The following RSRC1 variants were observed in gnomAD, a reference collection of about 807,000 sequenced individuals.
RSRC1 encodes the protein serine/Arginine-related protein 53.
Under a neutral mutation model 49.1 loss-of-function variants are expected in RSRC1, and 39 were observed. The ratio of observed to expected loss-of-function variants is 0.79; its 90% CI spans 0.61 to 1.04. The LOEUF is 1.04. Among genes scored for constraint, RSRC1 ranks in the 50% least tolerant of loss-of-function variants. The pLI is 0.00. For missense variants in RSRC1, 388 were observed against 402.4 expected (o/e 0.96, Z 0.31); for synonymous variants, 143 against 130.8 (o/e 1.09, Z -0.63).
At chr3:158,374,454 A>G (rs1168942232) in intron 6 of RSRC1, among the ~76,000 whole-genome samples, 1 of 152,142 alleles carries the variant, frequency 6.6e-6, no homozygotes, top group Non-Finnish European at 1.5e-5. Context: ...TGGAAAGGAA[A>G]ATTCATCCCC....
At chr3:158,517,482 C>T (rs1257900620) in intron 7 of RSRC1, among the ~76,000 whole-genome samples, 3 of 151,884 alleles carry the variant, frequency 2.0e-5, no homozygotes, top group Non-Finnish European at 4.4e-5. Context: ...CTTGCTTTAT[C>T]TTTTTTATAG....
chr3:158,248,659 G>A (rs902249618), intron 4 of RSRC1, among the ~76,000 whole-genome samples: 1 of 150,272 alleles, frequency 6.7e-6, no homozygotes, highest in East Asian at 2.0e-4. Context: ...GTGCAGTAAT[G>A]TGATCTTGGC....
intron 3 of RSRC1, among the ~76,000 whole-genome samples, chr3:158,182,161 A>G (rs1020715704): frequency 6.6e-6 from 1 of 152,282 alleles, no homozygotes; most frequent in Non-Finnish European, 1.5e-5. Context: ...TTTAGCAAAG[A>G]TATGAAGGAG....
chr3:158,502,049 T>TG (rs1739627762), intron 7 of RSRC1, among the ~76,000 whole-genome samples: 1 of 152,216 alleles, frequency 6.6e-6, no homozygotes, highest in Admixed American at 6.5e-5. Context: ...TAGCAGGTCT[T>TG]GCAGTGGTGG....
chr3:158,169,634 G>A (rs1718752590), intron 3 of RSRC1, among the ~76,000 whole-genome samples: 1 of 152,140 alleles, frequency 6.6e-6, no homozygotes, highest in Non-Finnish European at 1.5e-5. Context: ...TCTGTGAGAA[G>A]ATTCAGAATT....
At chr3:158,306,820 T>G (rs940514855) in intron 5 of RSRC1, among the ~76,000 whole-genome samples, 11 of 151,970 alleles carry the variant, frequency 7.2e-5, no homozygotes, top group African/African-American at 2.7e-4. Flanking sequence ...ATAGTATAAT[T>G]TCTTTCCTTG....
At chr3:158,456,774 A>G (rs1253693915) in intron 6 of RSRC1, among the ~76,000 whole-genome samples, 1 of 152,172 alleles carries the variant, frequency 6.6e-6, no homozygotes, top group South Asian at 2.1e-4. Flanking sequence ...GCTAGATTAT[A>G]TAGATCCTTG....
chr3:158,542,442 G>A (rs766687044), intron 8 of RSRC1, among the ~76,000 whole-genome samples: 3 of 152,210 alleles, frequency 2.0e-5, no homozygotes, highest in Non-Finnish European at 4.4e-5. Flanking sequence ...GGCTGAAGCA[G>A]GAGAATCACT....
intron 4 of RSRC1, among the ~76,000 whole-genome samples, chr3:158,278,964 C>T (rs371335852): frequency 1.3e-5 from 2 of 152,098 alleles, no homozygotes; most frequent in African/African-American, 2.4e-5. Context: ...TGCTATTTTT[C>T]CAGCACAGCT....
intron 6 of RSRC1, among the ~76,000 whole-genome samples, chr3:158,409,457 TC>T (rs1335930679): frequency 1.3e-5 from 2 of 152,176 alleles, no homozygotes. Flanking sequence ...TTTTATTAAA[TC>T]TATTTATTTT....
chr3:158,377,312 G>A (rs1350317187), intron 6 of RSRC1, among the ~76,000 whole-genome samples: 2 of 152,088 alleles, frequency 1.3e-5, no homozygotes, highest in Non-Finnish European at 2.9e-5. Context: ...TTGTTTGGAT[G>A]TGTGTCCCCT....
chr3:158,472,598 C>T (rs143374347), intron 7 of RSRC1, among the ~76,000 whole-genome samples: 1 of 152,102 alleles, frequency 6.6e-6, no homozygotes, highest in Non-Finnish European at 1.5e-5. Context: ...CCAAATCACT[C>T]TCATACTGTA....
chr3:158,350,927 A>G (rs990728245), intron 5 of RSRC1, among the ~76,000 whole-genome samples: 7 of 152,182 alleles, frequency 4.6e-5, no homozygotes, highest in African/African-American at 1.4e-4. Flanking sequence ...TAAGCCAGCT[A>G]GTGTGATGAT....
rs145177335 is a variant in RSRC1 at position 158,406,485 on chromosome 3, T to C, written c.583+51577T>C. Among the ~76,000 whole-genome samples, 235 of 152,218 alleles carry C rather than the reference T, an allele frequency of 1.5e-3. 1 individual carries two copies. The highest frequency in any genetic ancestry group is 5.5e-3 in the African/African-American group (227 of 41,540). ...TTGGTACCTTGATGTTGATAAATAT[T>C]AAAATAATACATTAAGAAAATTGAT... On this transcript the variant is annotated intron_variant, in intron 6 of 9. Transcript: ENST00000611884.
At chr3:158,341,029 G>A (rs149289135) in intron 5 of RSRC1, among the ~76,000 whole-genome samples, 203 of 152,266 alleles carry the variant, frequency 1.3e-3, no homozygotes, top group African/African-American at 4.7e-3. Flanking sequence ...ATGATTTAGG[G>A]TATCTGGTGG....
At chr3:158,410,357 T>C (rs1015812878) in intron 6 of RSRC1, among the ~76,000 whole-genome samples, 1 of 152,180 alleles carries the variant, frequency 6.6e-6, no homozygotes, top group Non-Finnish European at 1.5e-5. Context: ...AGGCTTATTA[T>C]TAAAGTTTCA....
At chr3:158,299,034 G>A (rs1026251938) in intron 5 of RSRC1, among the ~76,000 whole-genome samples, 4 of 152,054 alleles carry the variant, frequency 2.6e-5, no homozygotes, top group African/African-American at 9.7e-5. Flanking sequence ...ACTTTTAAAA[G>A]TGATCCTAAA....
chr3:158,258,494 G>C (rs1724698056), intron 4 of RSRC1, among the ~76,000 whole-genome samples: 1 of 151,406 alleles, frequency 6.6e-6, no homozygotes, highest in Non-Finnish European at 1.5e-5. Flanking sequence ...TCTTTACTTT[G>C]GGAGTTTGAT....
chr3:158,353,320 A>G (rs1214592757), intron 5 of RSRC1, among the ~76,000 whole-genome samples: 4 of 152,204 alleles, frequency 2.6e-5, no homozygotes, highest in Non-Finnish European at 5.9e-5. Context: ...AAATTTTTCT[A>G]AGTCTCTTCA....
Sources: gnomAD v4.1 joint callset for allele counts (sites outside exome capture counted in the v4.1 genomes callset) on GRCh38, gnomAD v4.1.1 for gene constraint, MANE v1.5 for transcripts, NCBI Gene and HGNC (gene_info 2026-07-23, HGNC 2026-07-21) for gene names.